The following SGSM2 variants were observed in gnomAD, a reference collection of about 807,000 sequenced individuals.
The protein encoded by SGSM2 is small G protein signaling modulator 2, also known as RUN and TBC1 domain containing 1.
Under a neutral mutation model 126.6 loss-of-function variants are expected in SGSM2, and 89 were observed. That is an observed-to-expected ratio of 0.70 (90% CI 0.59 to 0.84). SGSM2 has a LOEUF of 0.84. Among genes scored for constraint, SGSM2 ranks in the 40% least tolerant of loss-of-function variants. The pLI is 0.00. For missense variants in SGSM2, 1,404 were observed against 1,416.6 expected, an observed-to-expected ratio of 0.99 and a Z score of 0.14; for synonymous variants, 614 against 574.3, an observed-to-expected ratio of 1.07 and a Z score of -0.99.
At chr17:2,376,412 C>T in intron 19 of SGSM2, 151 bp downstream of exon 19, 6 of 904,052 alleles carry the variant, frequency 6.6e-6, no homozygotes, top group Non-Finnish European at 9.9e-6. Flanking sequence ...CCTGCACACC[C>T]CTCCCCCGCG....
chr17:2,365,492 T>G, intron 11 of SGSM2, 151 bp downstream of exon 11: 1 of 945,592 alleles, frequency 1.1e-6, no homozygotes, highest in Non-Finnish European at 1.5e-6. Context: ...AGCTGGACCT[T>G]TTACCCACAG....
At position 2,375,894 on chromosome 17, in the gene SGSM2, G is replaced by A; in HGVS notation, c.2484+19G>A. On this transcript the variant is annotated intron_variant, in intron 18 of 23. Transcript: ENST00000268989. ...CTACACTGTGCGTACATGCTCCCCA[G>A]GCTGTTCCCAGCCGCCCCAGAGGCC... is the stretch of plus-strand genomic sequence containing the variant. 1.3e-6 allele frequency: 2 copies of A among 1,509,384 alleles called. No individual in the cohort carries two copies. Among genetic ancestry groups the A allele is most frequent in the Middle Eastern group, 2.5e-4 (1 of 3,992 alleles). 93.5% of individuals were successfully genotyped at this position (1,509,384 alleles called of 1,614,324 possible).
At chr17:2,379,303 G>A in intron 23 of SGSM2, 100 bp downstream of exon 23, 1 of 1,564,032 alleles carries the variant, frequency 6.4e-7, no homozygotes, top group Non-Finnish European at 8.7e-7. Context: ...AATCCTGGGG[G>A]CCCTTCCCCA....
chr17:2,367,223 A>G lies in SGSM2; in HGVS notation c.1289-48A>G, dbSNP rs371104488. ...CTTAAGGAGGGAGTCCGTCCTGCCCAGGGATGAGGGCCTCATGCCTCTGCC... is the reference window on the plus strand; with the variant it reads ...CTTAAGGAGGGAGTCCGTCCTGCCCGGGGATGAGGGCCTCATGCCTCTGCC... On this transcript the variant is annotated intron_variant, in intron 11 of 23. Transcript: ENST00000268989. This position sits in a 1 kb window ranked among gnomAD's most constrained non-coding sequence, Gnocchi z 4.0. The G allele has an allele frequency of 3.4e-5, 54 of 1,582,436 alleles. No individual in the cohort carries two copies. The highest frequency in any genetic ancestry group is 4.3e-5 in the Non-Finnish European group (50 of 1,164,168).
chr17:2,352,918 C>T (rs1283494347), intron 2 of SGSM2, among the ~76,000 whole-genome samples: 1 of 142,822 alleles, frequency 7.0e-6, no homozygotes, highest in South Asian at 2.4e-4. Context: ...GCTGGGACTA[C>T]AGGCGTCCGC....
chr17:2,379,166 C>T lies in SGSM2; in HGVS notation c.3030C>T (p.Asn1010=), dbSNP rs1215267363. The part of the protein sequence containing the change: ...VEAYREIIRD[N]NMDFTDIIKF... The stretch of plus-strand genomic sequence containing the variant: ...CCTACCGAGAGATCATCCGTGACAA[C>T]AACATGGACTTCACTGACATCATCA... The change falls in exon 23 of 24, where the codon AAC becomes AAT. Residue 1010 remains asparagine, a synonymous_variant. Transcript: ENST00000268989. 1 of 1,614,066 alleles carries T rather than the reference C, an allele frequency of 6.2e-7. No individual in the cohort carries two copies. The highest frequency in any genetic ancestry group is 2.2e-5 in the East Asian group (1 of 44,892).
At chr17:2,352,782 T>C (rs922289693) in intron 2 of SGSM2, among the ~76,000 whole-genome samples, 13 of 135,404 alleles carry the variant, frequency 9.6e-5, no homozygotes, top group Non-Finnish European at 1.6e-4. Flanking sequence ...TTTTTTTTTT[T>C]TTTTTTTTTT....
chr17:2,341,709 AG>A (rs1247482373), intron 1 of SGSM2, among the ~76,000 whole-genome samples: 1 of 152,258 alleles, frequency 6.6e-6, no homozygotes, highest in African/African-American at 2.4e-5. Flanking sequence ...AGGTTCTCCC[AG>A]GACATCAACA....
chr17:2,353,511 C>T (rs1356052265), intron 2 of SGSM2, among the ~76,000 whole-genome samples: 1 of 152,074 alleles, frequency 6.6e-6, no homozygotes, highest in Non-Finnish European at 1.5e-5. Context: ...ACCTGTAATC[C>T]CAGCACCTTG....
In SGSM2 at chr17:2,337,574, G is replaced by A; in HGVS notation, c.-115G>A. ...GCGGCGGCGGCGGCGGCGGCGGGCCGGGAGCGCGGCGGGCGGGGGCTCCGC... is the reference window on the plus strand; with the variant it reads ...GCGGCGGCGGCGGCGGCGGCGGGCCAGGAGCGCGGCGGGCGGGGGCTCCGC... On this transcript the variant is annotated 5_prime_UTR_variant, in exon 1 of 24. Transcript: ENST00000268989. This position sits in a 1 kb window ranked among gnomAD's most constrained non-coding sequence, Gnocchi z 5.1. 3 of 598,250 alleles carry A rather than the reference G, an allele frequency of 5.0e-6. No individual in the cohort carries two copies. Among genetic ancestry groups the A allele is most frequent in the Non-Finnish European group, 6.6e-6 (3 of 456,962 alleles). 37.1% of individuals were successfully genotyped at this position (598,250 alleles called of 1,614,324 possible). A position where few individuals can be genotyped will look rare whatever the true frequency, so the allele number is the denominator to read the frequency against.
intron 23 of SGSM2, 94 bp from the exon 24 acceptor site, chr17:2,379,338 C>G: frequency 1.9e-6 from 3 of 1,563,154 alleles, no homozygotes; most frequent in Non-Finnish European, 2.6e-6. Flanking sequence ...AAGAATCTAG[C>G]AGAGCAGATG....
intron 1 of SGSM2, among the ~76,000 whole-genome samples, chr17:2,341,363 G>T (rs2064360593): frequency 6.6e-6 from 1 of 152,218 alleles, no homozygotes; most frequent in African/African-American, 2.4e-5. Context: ...TTACAGGCGT[G>T]AGCCACCATG....
chr17:2,359,213 C>T (rs1457141437), intron 2 of SGSM2, among the ~76,000 whole-genome samples: 2 of 151,914 alleles, frequency 1.3e-5, no homozygotes, highest in East Asian at 1.9e-4. Flanking sequence ...GAAGCCCATT[C>T]ACAAAGTCCT....
chr17:2,379,853 T>C lies in SGSM2; in HGVS notation c.*333T>C. On this transcript the variant is annotated 3_prime_UTR_variant, in exon 24 of 24. Transcript: ENST00000268989. Reference sequence around the variant, plus strand: ...CTGGACTGCTGCCCACGAGTGAACCTGGGGCCCCACAGGATTAACAGGGGC... The same window carrying C: ...CTGGACTGCTGCCCACGAGTGAACCCGGGGCCCCACAGGATTAACAGGGGC... 1 of 1,304,748 alleles carries C rather than the reference T, an allele frequency of 7.7e-7. No individual in the cohort carries two copies. Among genetic ancestry groups the C allele is most frequent in the Non-Finnish European group, 9.8e-7 (1 of 1,020,618 alleles). 80.8% of individuals were successfully genotyped at this position (1,304,748 alleles called of 1,614,324 possible).
chr17:2,357,271 C>T (rs1334519715), intron 2 of SGSM2, among the ~76,000 whole-genome samples: 3 of 152,026 alleles, frequency 2.0e-5, no homozygotes, highest in Admixed American at 2.0e-4. Context: ...GTTCCTTGAG[C>T]CTTGCTGTCA....
At chr17:2,347,698 C>T (rs1174510707) in intron 2 of SGSM2, among the ~76,000 whole-genome samples, 2 of 151,140 alleles carry the variant, frequency 1.3e-5, no homozygotes, top group Non-Finnish European at 2.9e-5. Context: ...TGGTCTCAAA[C>T]TCGTGGGCTC....
intron 12 of SGSM2, among the ~76,000 whole-genome samples, chr17:2,368,225 G>T (rs973928611): frequency 6.6e-6 from 1 of 152,122 alleles, no homozygotes; most frequent in African/African-American, 2.4e-5. Flanking sequence ...GCCTCTCAGG[G>T]TTCCTCTGCC....
chr17:2,379,313 A>G, intron 23 of SGSM2, 110 bp downstream of exon 23: 1 of 1,566,016 alleles, frequency 6.4e-7, no homozygotes, highest in Non-Finnish European at 8.7e-7. Flanking sequence ...GCCCTTCCCC[A>G]AAGGCCGGGA....
intron 2 of SGSM2, among the ~76,000 whole-genome samples, chr17:2,360,412 C>T (rs941198083): frequency 2.0e-5 from 3 of 152,178 alleles, no homozygotes; most frequent in Admixed American, 6.5e-5. Context: ...TCTGGGGCAG[C>T]CTTGGATCGT....
Sources: allele counts gnomAD v4.1 joint callset (sites outside exome capture counted in the v4.1 genomes callset), GRCh38; gene constraint gnomAD v4.1.1; non-coding constraint Gnocchi (gnomAD v3.1); transcripts MANE v1.5; gene names NCBI Gene and HGNC (gene_info 2026-07-23, HGNC 2026-07-21).